SMIM27: variants seen among roughly 807,000 people sequenced by gnomAD.
SMIM27 encodes the protein TOPORS antisense RNA 1 (non-protein coding).
A neutral mutation model predicts 1.8 loss-of-function variants in SMIM27; 3 were observed. The ratio of observed to expected loss-of-function variants is 1.65; its 90% confidence interval spans 0.75 to 4.28. The LOEUF (loss-of-function observed/expected upper bound fraction) is 4.28, where lower values mean the gene tolerates loss of function less well. Among genes scored for constraint, SMIM27 ranks in the 30% most tolerant of loss-of-function variants. SMIM27 has a pLI of 0.02. For synonymous variants in SMIM27, 19 were observed against 13.9 expected, an observed-to-expected ratio of 1.37 and a Z score of -0.82; for missense variants, 63 against 37.0, an observed-to-expected ratio of 1.70 and a Z score of -1.83.
exon 2 of SMIM27, chr9:32,566,843 G>A (rs1821807236): frequency 1.2e-6 from 1 of 853,446 alleles, no homozygotes; most frequent in Admixed American, 1.9e-5. Flanking sequence ...TCATCACACA[G>A]TAGCTGCCGG....
chr9:32,561,700 A>G (rs974050467), intron 1 of SMIM27, among the ~76,000 whole-genome samples: 1 of 152,164 alleles, frequency 6.6e-6, no homozygotes, highest in Non-Finnish European at 1.5e-5. Context: ...TTCCAAGGCT[A>G]GAGATTTTGC....
At chr9:32,557,756 C>A (rs1420071908), downstream of SMIM27, among the ~76,000 whole-genome samples, 1 of 151,824 alleles carries the variant, frequency 6.6e-6, no homozygotes, top group African/African-American at 2.4e-5. Flanking sequence ...GGATTACACG[C>A]GTGAGCCACC....
chr9:32,566,314 C>T lies in SMIM27; in HGVS notation c.46-77C>T, dbSNP rs1042937922. The T allele has an allele frequency of 2.5e-6, 3 of 1,180,250 alleles. No homozygotes were observed. The African/African-American group carries it at 4.5e-5, about 18-fold the overall frequency. The allele number at this position is 1,180,250 out of a possible 1,614,324, so 73.1% of individuals were successfully genotyped here. On this transcript the variant is annotated intron_variant, in intron 1 of 1. Transcript: ENST00000451672. The stretch of plus-strand genomic sequence containing the variant: ...CCATAAAAATATTCCCAGTCCACTT[C>T]TCTTCCATCTTGTTCTTTAACTGCT...
downstream of SMIM27, chr9:32,553,513 T>A (rs1368948738): frequency 9.4e-6 from 2 of 212,928 alleles, no homozygotes; most frequent in African/African-American, 4.7e-5. Context: ...AAAACAAAAG[T>A]GCATGGAATT....
At chr9:32,556,458 TCAA>T (rs1341066279), downstream of SMIM27, among the ~76,000 whole-genome samples, 1 of 152,224 alleles carries the variant, frequency 6.6e-6, no homozygotes, top group Non-Finnish European at 1.5e-5. Flanking sequence ...GTCTGTGATG[TCAA>T]CAAGAAATAA....
chr9:32,556,846 C>CTTTTTT (rs10703297), downstream of SMIM27, among the ~76,000 whole-genome samples: 3 of 82,340 alleles, frequency 3.6e-5, no homozygotes, highest in Admixed American at 1.7e-4. Context: ...AAATCCCCTA[C>CTTTTTT]TTTTTTTTTT....
At chr9:32,553,782 A>ACC, downstream of SMIM27, 4 of 826,542 alleles carry the variant, frequency 4.8e-6, no homozygotes, top group Non-Finnish European at 8.0e-6. Context: ...CTGAGATTAA[A>ACC]CTTTATTAAA....
chr9:32,559,011 A>G, intron 1 of SMIM27: 1 of 1,282,972 alleles, frequency 7.8e-7, no homozygotes, highest in Non-Finnish European at 1.1e-6. Context: ...TTCTGAAAAT[A>G]AGAAATAGGT....
intron 1 of SMIM27, among the ~76,000 whole-genome samples, chr9:32,565,823 T>C (rs1284014769): frequency 6.6e-6 from 1 of 151,936 alleles, no homozygotes; most frequent in Non-Finnish European, 1.5e-5. Flanking sequence ...AATACAAAAA[T>C]TAGCCAGGCA....
chr9:32,554,220 CTT>C (rs1821390030), downstream of SMIM27, among the ~76,000 whole-genome samples: 1 of 152,160 alleles, frequency 6.6e-6, no homozygotes, highest in Admixed American at 6.5e-5. Context: ...AAGGGATAAT[CTT>C]TTATTTTGTA....
downstream of SMIM27, chr9:32,553,714 T>G: frequency 1.7e-6 from 1 of 577,584 alleles, no homozygotes; most frequent in Non-Finnish European, 3.1e-6. Flanking sequence ...ACTTTTTACT[T>G]ATTGTTAAAT....
chr9:32,565,789 T>C (rs1455329746), intron 1 of SMIM27, among the ~76,000 whole-genome samples: 34 of 152,110 alleles, frequency 2.2e-4, no homozygotes, highest in Admixed American at 2.2e-3. Flanking sequence ...CCGACCAACA[T>C]GGCGAAACCC....
chr9:32,558,834 A>G, intron 1 of SMIM27: 2 of 1,034,984 alleles, frequency 1.9e-6, no homozygotes, highest in East Asian at 2.5e-5. Context: ...TTTTAATCTA[A>G]TAATTGCTTG....
chr9:32,563,645 T>C (rs1821694283), intron 1 of SMIM27, among the ~76,000 whole-genome samples: 1 of 152,102 alleles, frequency 6.6e-6, no homozygotes, highest in Admixed American at 6.6e-5. Flanking sequence ...TCCTTTGATG[T>C]TCCTTAGCTG....
chr9:32,559,643 G>A (rs1334601226), intron 1 of SMIM27, among the ~76,000 whole-genome samples: 2 of 152,034 alleles, frequency 1.3e-5, no homozygotes, highest in East Asian at 3.9e-4. Flanking sequence ...TGCTTGACCT[G>A]TATCTTCATT....
chr9:32,552,288 C>G (rs1489835626), upstream of SMIM27: 4 of 1,205,810 alleles, frequency 3.3e-6, no homozygotes, highest in African/African-American at 3.0e-5. Flanking sequence ...GCGGAAGAGG[C>G]CAGCGACAGC....
chr9:32,561,308 C>A (rs572291943), intron 1 of SMIM27, among the ~76,000 whole-genome samples: 1 of 152,158 alleles, frequency 6.6e-6, no homozygotes, highest in Admixed American at 6.5e-5. Context: ...GCAGCACACG[C>A]TCCTAAAAAA....
upstream of SMIM27, chr9:32,552,325 T>C (rs760527055): frequency 1.4e-5 from 21 of 1,498,532 alleles, no homozygotes; most frequent in South Asian, 9.6e-5. Context: ...GGGCGGGCGC[T>C]CGTGCCCGGC....
At chr9:32,555,073 C>G (rs1217002629), downstream of SMIM27, among the ~76,000 whole-genome samples, 1 of 150,944 alleles carries the variant, frequency 6.6e-6, no homozygotes, top group Non-Finnish European at 1.5e-5. Flanking sequence ...TTGGTGCACG[C>G]TAGAGACTTT....
Sources: allele counts gnomAD v4.1 joint callset (sites outside exome capture counted in the v4.1 genomes callset), GRCh38; gene constraint gnomAD v4.1.1; transcripts MANE v1.5; gene names NCBI Gene and HGNC (gene_info 2026-07-23, HGNC 2026-07-21).